Variants in RAPGEF5 observed in about 807,000 individuals in gnomAD.
RAPGEF5 encodes the protein M-Ras-regulated GEF.
Under a neutral mutation model 125.2 loss-of-function variants are expected in RAPGEF5, and 65 were observed. That is an observed-to-expected ratio of 0.52 (90% CI 0.43 to 0.64). The LOEUF (loss-of-function observed/expected upper bound fraction) is 0.64. RAPGEF5 is among the 30% of genes least tolerant of loss of function. The pLI is 0.00. For synonymous variants in RAPGEF5, 391 were observed against 385.9 expected (o/e 1.01, Z -0.16); for missense variants, 958 against 1,048.1 (o/e 0.91, Z 1.19).
At chr7:22,254,463 C>A (rs1786703056) in intron 7 of RAPGEF5, among the ~76,000 whole-genome samples, 1 of 151,722 alleles carries the variant, frequency 6.6e-6, no homozygotes, top group East Asian at 1.9e-4. Flanking sequence ...AAAAAATTAG[C>A]CAGGTGTGGT....
intron 1 of RAPGEF5, among the ~76,000 whole-genome samples, chr7:22,337,327 G>A (rs376347413): frequency 5.3e-5 from 8 of 152,268 alleles, no homozygotes; most frequent in African/African-American, 1.9e-4. Flanking sequence ...GTGGGTCCAA[G>A]TGGGGCCATC....
At chr7:22,305,180 TC>T (rs1018421509) in intron 5 of RAPGEF5, among the ~76,000 whole-genome samples, 1 of 152,138 alleles carries the variant, frequency 6.6e-6, no homozygotes, top group African/African-American at 2.4e-5. Flanking sequence ...GTACCTAATT[TC>T]CCCTCTTATT....
intron 9 of RAPGEF5, among the ~76,000 whole-genome samples, chr7:22,197,862 C>T (rs1005501234): frequency 1.5e-4 from 22 of 145,404 alleles, no homozygotes; most frequent in Non-Finnish European, 2.8e-4. Context: ...GTTTAGAGAG[C>T]AACACATTAA....
intron 6 of RAPGEF5, among the ~76,000 whole-genome samples, chr7:22,285,258 A>AT (rs1159004236): frequency 6.6e-6 from 1 of 152,188 alleles, no homozygotes; most frequent in Non-Finnish European, 1.5e-5. Context: ...AATGTGTCTC[A>AT]TTTTTATAGC....
At chr7:22,236,644 C>T (rs1433658380) in intron 7 of RAPGEF5, among the ~76,000 whole-genome samples, 5 of 152,182 alleles carry the variant, frequency 3.3e-5, no homozygotes, top group African/African-American at 1.2e-4. Flanking sequence ...ACCTGTCATC[C>T]TCTCTGCCAT....
chr7:22,182,921 T>C (rs114223280), intron 11 of RAPGEF5, among the ~76,000 whole-genome samples: 489 of 152,328 alleles, frequency 3.2e-3, no homozygotes, highest in African/African-American at 0.011. Context: ...GCCAATATCT[T>C]ATCCATATAA....
intron 11 of RAPGEF5, among the ~76,000 whole-genome samples, chr7:22,191,003 C>G (rs556007181): frequency 1.3e-5 from 2 of 152,256 alleles, no homozygotes; most frequent in Non-Finnish European, 2.9e-5. Context: ...AGCCCCTTCT[C>G]ATTTTCCTCC....
intron 19 of RAPGEF5, 62 bp from the exon 20 acceptor site, chr7:22,145,284 C>A: frequency 6.7e-7 from 1 of 1,482,642 alleles, no homozygotes; most frequent in South Asian, 1.4e-5. Context: ...ATACAAAACT[C>A]GGTCAAATTT....
chr7:22,290,744 CAAAAAA>C (rs398003971), intron 6 of RAPGEF5, among the ~76,000 whole-genome samples: 1 of 86,192 alleles, frequency 1.2e-5, no homozygotes, highest in African/African-American at 4.0e-5. Flanking sequence ...GACTCCGTCT[CAAAAAA>C]AAAAAAAAAA....
At position 22,317,911 on chromosome 7, in the gene RAPGEF5, T is replaced by G. The variant is rs1021831684; in HGVS notation, c.282+76A>C. The G allele has an allele frequency of 2.5e-5, 38 of 1,535,298 alleles. No individual in the cohort carries two copies. The African/African-American group carries it at 4.8e-4, about 20-fold the overall frequency. Reference sequence around the variant, plus strand: ...TGTGGTCAGGAGCAAAGGGAACAACTGTAACTTGATAATTGTACATCAGAA... The same window carrying G: ...TGTGGTCAGGAGCAAAGGGAACAACGGTAACTTGATAATTGTACATCAGAA... On this transcript the variant is annotated intron_variant, in intron 2 of 25. Transcript: ENST00000665637.
At chr7:22,269,410 T>C (rs1411739502) in intron 6 of RAPGEF5, among the ~76,000 whole-genome samples, 2 of 152,116 alleles carry the variant, frequency 1.3e-5, no homozygotes, top group African/African-American at 2.4e-5. Context: ...CAGGGACCTG[T>C]TTGCCTTTTC....
intron 11 of RAPGEF5, 105 bp from the exon 12 acceptor site, chr7:22,167,253 A>C (rs1479519645): frequency 3.8e-6 from 3 of 793,920 alleles, no homozygotes; most frequent in Non-Finnish European, 6.3e-6. Context: ...AATATGATAA[A>C]TATTGATAGC....
At chr7:22,252,771 C>T (rs1348443080) in intron 7 of RAPGEF5, among the ~76,000 whole-genome samples, 1 of 152,048 alleles carries the variant, frequency 6.6e-6, no homozygotes, top group Non-Finnish European at 1.5e-5. Flanking sequence ...TTCTTTGTAT[C>T]CCAGTGGGAG....
At chr7:22,305,244 A>G (rs1465770159) in intron 5 of RAPGEF5, among the ~76,000 whole-genome samples, 1 of 152,236 alleles carries the variant, frequency 6.6e-6, no homozygotes, top group Non-Finnish European at 1.5e-5. Context: ...AAAGTAAAAT[A>G]ATGAATATAA....
In RAPGEF5 at chr7:22,136,072, T is replaced by G. The variant is rs1013270917; in HGVS notation, c.2382A>C (p.Pro794=). Residue 794 remains proline (P), a synonymous_variant, in exon 23 of 26, where the codon CCA becomes CCC. Coordinates refer to ENST00000665637, the MANE Select transcript of RAPGEF5 (RefSeq NM_012294.5). ...ATAAGGGCATGAAAGGGATTTTTGG[T>G]GGCTTCATCTTTTTGAATGCATCTC... ...AYRDAFKKMK[P]PKIPFMPLLL... is the part of the protein sequence containing the mutation. 6.2e-7 allele frequency: 1 copy of G among 1,612,520 alleles called. No homozygotes were observed. The highest frequency in any genetic ancestry group is 1.7e-4 in the Middle Eastern group (1 of 6,052).
intron 1 of RAPGEF5, among the ~76,000 whole-genome samples, chr7:22,338,779 G>C (rs1784071626): frequency 6.6e-6 from 1 of 152,320 alleles, no homozygotes; most frequent in East Asian, 1.9e-4. Context: ...GGAAGACGGT[G>C]ACAGGGAAAC....
At chr7:22,354,213 G>A (rs1784380738) in intron 1 of RAPGEF5, among the ~76,000 whole-genome samples, 2 of 152,194 alleles carry the variant, frequency 1.3e-5, no homozygotes, top group Admixed American at 6.5e-5. Flanking sequence ...GCATGGATAA[G>A]GACCACACAT....
chr7:22,324,171 T>C (rs1409836683), intron 1 of RAPGEF5, among the ~76,000 whole-genome samples: 1 of 152,226 alleles, frequency 6.6e-6, no homozygotes, highest in African/African-American at 2.4e-5. Context: ...CCTGATATGA[T>C]GAACAGAGAA....
At chr7:22,166,580 G>A (rs1035322863) in intron 12 of RAPGEF5, among the ~76,000 whole-genome samples, 3 of 152,238 alleles carry the variant, frequency 2.0e-5, no homozygotes, top group African/African-American at 4.8e-5. Flanking sequence ...AAAGATGACA[G>A]TTGATTCCAG....
Sources: allele counts gnomAD v4.1 joint callset (sites outside exome capture counted in the v4.1 genomes callset), GRCh38; gene constraint gnomAD v4.1.1; transcripts MANE v1.5; gene names NCBI Gene and HGNC (gene_info 2026-07-23, HGNC 2026-07-21).